SERPINB2: variants seen among roughly 807,000 people sequenced by gnomAD.
The protein encoded by SERPINB2 is serpin family B member 2.
A neutral mutation model predicts 39.4 loss-of-function variants in SERPINB2; 28 were observed. The observed-to-expected ratio is 0.71, with a 90% CI of 0.53 to 0.97. SERPINB2 has a LOEUF of 0.97. Ranked by LOEUF, SERPINB2 falls within the 50% of genes least tolerant of loss-of-function variation. The pLI is 0.00. For missense variants in SERPINB2, 557 were observed against 505.3 expected (o/e 1.10, Z -0.98); for synonymous variants, 209 against 175.1 (o/e 1.19, Z -1.53).
At position 63,901,805 on chromosome 18, in the gene SERPINB2, G is replaced by T. The variant is rs545766691; in HGVS notation, c.601G>T (p.Ala201Ser). 3 of 1,601,084 alleles carry T rather than the reference G, an allele frequency of 1.9e-6. No homozygotes were observed. In the East Asian group the frequency reaches 6.8e-5, roughly 36 times the overall value. The change falls in exon 6 of 8, where the codon GCT becomes TCT. Residue 201 changes from alanine (A) to serine (S), a missense_variant. By Grantham distance (99) the Ala-to-Ser change is moderately conservative. Transcript: ENST00000299502. Reference sequence around the variant, plus strand: ...GGATACCAGGATGGTCCTGGTGAATGCTGTCTACTTCAAAGGAAAGTGGAA... The same window carrying T: ...GGATACCAGGATGGTCCTGGTGAATTCTGTCTACTTCAAAGGAAAGTGGAA... Reference protein sequence around the residue: ...DGDTRMVLVNAVYFKGKWKTP... With the variant: ...DGDTRMVLVNSVYFKGKWKTP...
intron 1 of SERPINB2, among the ~76,000 whole-genome samples, chr18:63,888,346 G>C (rs972442585): frequency 6.6e-6 from 1 of 152,172 alleles, no homozygotes; most frequent in African/African-American, 2.4e-5. Context: ...AGTAGTTGCA[G>C]GGTTGACTGA....
intron 6 of SERPINB2, 33 bp downstream of exon 6, chr18:63,901,915 A>G: frequency 1.9e-6 from 3 of 1,575,746 alleles, no homozygotes; most frequent in Non-Finnish European, 2.6e-6. Flanking sequence ...TTCCTAGCAT[A>G]TATTTTAGGG....
rs1274051730 is a variant in SERPINB2, at chr18:63,903,070, C to A, written c.1013C>A (p.Ala338Asp). Residue 338 changes from alanine (A) to aspartate (D), a missense_variant, in exon 8 of 8, where the codon GCC becomes GAC. Ala to Asp is a moderately radical substitution (Grantham distance 126, BLOSUM62 -2). Transcript: ENST00000299502. ...GAGGACGCCTTCAACAAGGGACGGG[C>A]CAATTTCTCAGGGATGTCGGAGAGG... ...GMEDAFNKGR[A>D]NFSGMSERND... 1 of 1,613,500 alleles carries A rather than the reference C, an allele frequency of 6.2e-7. No homozygotes were observed. Among genetic ancestry groups the A allele is most frequent in the African/African-American group, 1.3e-5 (1 of 74,830 alleles).
intron 6 of SERPINB2, 31 bp from the exon 7 acceptor site, chr18:63,902,373 A>G: frequency 6.6e-7 from 1 of 1,515,296 alleles, no homozygotes; most frequent in Middle Eastern, 1.8e-4. Context: ...CTTATAATCG[A>G]CTTCCATATT....
At position 63,895,355 on chromosome 18, in the gene SERPINB2, A is replaced by C; in HGVS notation, c.260A>C (p.Lys87Thr). ...TGTGGGTTCATGCAGCAGATCCAGA[A>C]GGGTAGTTATCCTGATGCGATTTTG... is the stretch of plus-strand genomic sequence containing the variant. The part of the protein sequence containing the change: ...TSCGFMQQIQ[K>T]GSYPDAILQA... Residue 87 changes from lysine to threonine, a missense_variant, in exon 3 of 8, where the codon AAG (lysine) becomes ACG (threonine). Physicochemically the swap from Lys to Thr is moderately conservative, Grantham distance 78 (BLOSUM62 -1). Transcript: ENST00000299502. The C allele has an allele frequency of 6.2e-7, 1 of 1,614,136 alleles. No homozygotes were observed. Among genetic ancestry groups the C allele is most frequent in the East Asian group, 2.2e-5 (1 of 44,882 alleles).
chr18:63,903,251 T>C lies in SERPINB2; in HGVS notation c.1194T>C (p.Ile398=). 6.3e-7 allele frequency: 1 copy of C among 1,589,680 alleles called. No homozygotes were observed. Among genetic ancestry groups the C allele is most frequent in the Non-Finnish European group, 8.6e-7 (1 of 1,169,534 alleles). ...CAGATCATCCTTTTCTTTTTCTTATTATGCATAAGATAACCAACTGCATTT... is the reference window on the plus strand; with the variant it reads ...CAGATCATCCTTTTCTTTTTCTTATCATGCATAAGATAACCAACTGCATTT... ...FVADHPFLFL[I]MHKITNCILF... The change falls in exon 8 of 8, where the codon ATT becomes ATC. Residue 398 remains isoleucine (I), a synonymous_variant. Coordinates refer to ENST00000299502, the MANE Select transcript of SERPINB2 (RefSeq NM_002575.3).
chr18:63,902,427 G>A lies in SERPINB2; in HGVS notation c.702G>A (p.Met234Ile). The A allele has an allele frequency of 6.2e-7, 1 of 1,612,994 alleles. No homozygotes were observed. Among genetic ancestry groups the A allele is most frequent in the Non-Finnish European group, 8.5e-7 (1 of 1,179,408 alleles). ...VNSAQRTPVQ[M>I]MYLREKLNIG... The stretch of plus-strand genomic sequence containing the variant: ...AGGCTCAGCGCACACCTGTACAGAT[G>A]ATGTACTTGCGTGAAAAGCTAAACA... Residue 234 changes from methionine to isoleucine, a missense_variant, in exon 7 of 8, where the codon ATG becomes ATA. Met to Ile is a conservative substitution (Grantham distance 10). Transcript: ENST00000299502.
In SERPINB2 at chr18:63,903,192, G is replaced by C; in HGVS notation, c.1135G>C (p.Gly379Arg). The C allele has an allele frequency of 6.2e-7, 1 of 1,613,556 alleles. No individual in the cohort carries two copies. The highest frequency in any genetic ancestry group is 8.5e-7 in the Non-Finnish European group (1 of 1,179,680). Reference protein sequence around the residue: ...AAAGTGGVMTGRTGHGGPQFV... With the variant: ...AAAGTGGVMTRRTGHGGPQFV... ...CGCTGGCACAGGAGGTGTTATGACAGGGAGAACTGGACATGGAGGCCCACA... is the reference window on the plus strand; with the variant it reads ...CGCTGGCACAGGAGGTGTTATGACACGGAGAACTGGACATGGAGGCCCACA... Residue 379 changes from glycine to arginine, a missense_variant, in exon 8 of 8, where the codon GGG (glycine) becomes CGG (arginine). Gly to Arg is a moderately radical substitution (Grantham distance 125, BLOSUM62 -2). Coordinates refer to ENST00000299502, the MANE Select transcript of SERPINB2 (RefSeq NM_002575.3).
chr18:63,897,875 T>C (rs777403086), intron 5 of SERPINB2, 31 bp downstream of exon 5: 19 of 1,402,138 alleles, frequency 1.4e-5, no homozygotes, highest in Non-Finnish European at 1.8e-5. Context: ...TATTTACTTC[T>C]TTCCAGTTAG....
At chr18:63,899,371 C>A (rs1163639356) in intron 5 of SERPINB2, among the ~76,000 whole-genome samples, 1 of 152,140 alleles carries the variant, frequency 6.6e-6, no homozygotes, top group Non-Finnish European at 1.5e-5. Flanking sequence ...ATCCTATGCC[C>A]CCACAAAAAT....
intron 2 of SERPINB2, among the ~76,000 whole-genome samples, chr18:63,892,942 C>CT (rs1014746505): frequency 4.6e-5 from 7 of 151,732 alleles, no homozygotes; most frequent in East Asian, 1.9e-4. Context: ...TTTTTCCTTT[C>CT]TTTTTTTTGA....
chr18:63,887,843 T>G (rs2049902733), intron 1 of SERPINB2, 73 bp downstream of exon 1: 1 of 152,166 alleles, frequency 6.6e-6, no homozygotes, highest in Admixed American at 6.5e-5. Context: ...ATGCTGGTAT[T>G]AATAGATTGA....
chr18:63,890,713 C>T (rs913557535), intron 1 of SERPINB2: 2 of 152,270 alleles, frequency 1.3e-5, no homozygotes, highest in Non-Finnish European at 2.9e-5. Context: ...GTCTTCTAGT[C>T]CTCCCAGTAA....
At chr18:63,902,024 C>T in intron 6 of SERPINB2, 142 bp downstream of exon 6, 1 of 805,410 alleles carries the variant, frequency 1.2e-6, no homozygotes, top group Non-Finnish European at 1.9e-6. Flanking sequence ...TCTTTAGAAA[C>T]AGTATAGGTA....
chr18:63,888,741 A>G (rs1053386209), intron 1 of SERPINB2, among the ~76,000 whole-genome samples: 1 of 152,200 alleles, frequency 6.6e-6, no homozygotes, highest in African/African-American at 2.4e-5. Context: ...AGGAAGCCCA[A>G]CCCTGCATAT....
In SERPINB2 at chr18:63,903,258, A is replaced by G. The variant is rs1599066090; in HGVS notation, c.1201A>G (p.Lys401Glu). 1 of 1,573,602 alleles carries G rather than the reference A, an allele frequency of 6.4e-7. No homozygotes were observed. Among genetic ancestry groups the G allele is most frequent in the South Asian group, 1.2e-5 (1 of 84,592 alleles). Residue 401 changes from lysine (K) to glutamate (E), a missense_variant, in exon 8 of 8, where the codon AAG becomes GAG. Lys to Glu is a moderately conservative substitution (Grantham distance 56). Coordinates refer to ENST00000299502, the MANE Select transcript of SERPINB2 (RefSeq NM_002575.3). ...TCCTTTTCTTTTTCTTATTATGCAT[A>G]AGATAACCAACTGCATTTTATTTTT... ...DHPFLFLIMH[K>E]ITNCILFFGR...
intron 2 of SERPINB2, among the ~76,000 whole-genome samples, chr18:63,892,166 G>C (rs1225221371): frequency 2.0e-5 from 3 of 152,006 alleles, no homozygotes; most frequent in African/African-American, 7.2e-5. Flanking sequence ...AGGATGCATG[G>C]ATAGTGTTGT....
chr18:63,901,017 G>A (rs937277007), intron 5 of SERPINB2, among the ~76,000 whole-genome samples: 5 of 152,012 alleles, frequency 3.3e-5, no homozygotes, highest in Non-Finnish European at 7.4e-5. Context: ...ACTGCAGAGC[G>A]AGTACTAACT....
chr18:63,897,761 C>T lies in SERPINB2; in HGVS notation c.452C>T (p.Ser151Leu), dbSNP rs147169778. Residue 151 changes from serine to leucine, a missense_variant, in exon 5 of 8, where the codon TCA becomes TTA. Physicochemically the swap from Ser to Leu is moderately radical, Grantham distance 145. Coordinates refer to ENST00000299502, the MANE Select transcript of SERPINB2 (RefSeq NM_002575.3). ...CGACTCTGTCAGAAATATTACTCCT[C>T]AGAACCCCAGGCAGTAGACTTCCTA... ...YIRLCQKYYS[S>L]EPQAVDFLEC... is the part of the protein sequence containing the mutation. 6.2e-7 allele frequency: 1 copy of T among 1,612,792 alleles called. No homozygotes were observed. Among genetic ancestry groups the T allele is most frequent in the Non-Finnish European group, 8.5e-7 (1 of 1,179,010 alleles).
Sources: allele counts gnomAD v4.1 joint callset (sites outside exome capture counted in the v4.1 genomes callset), GRCh38; gene constraint gnomAD v4.1.1; transcripts MANE v1.5; gene names NCBI Gene and HGNC (gene_info 2026-07-23, HGNC 2026-07-21).